Variants in TRPM3 observed in about 807,000 individuals in gnomAD.
TRPM3 encodes long transient receptor potential channel 3.
A neutral mutation model predicts 181.2 loss-of-function variants in TRPM3; 77 were observed. The observed-to-expected ratio is 0.42, with a 90% CI of 0.35 to 0.51. TRPM3 has a LOEUF of 0.51. Ranked by LOEUF, TRPM3 falls within the 20% of genes least tolerant of loss-of-function variation. The pLI, the probability that TRPM3 is intolerant of heterozygous loss-of-function variation, is 0.01. For missense variants in TRPM3, 1,759 were observed against 2,196.7 expected, an observed-to-expected ratio of 0.80 and a Z score of 3.98; for synonymous variants, 745 against 796.4, an observed-to-expected ratio of 0.94 and a Z score of 1.09.
At chr9:71,368,941 G>A (rs777936805) in intron 1 of TRPM3, among the ~76,000 whole-genome samples, 9 of 152,100 alleles carry the variant, frequency 5.9e-5, no homozygotes, top group Non-Finnish European at 1.0e-4. Flanking sequence ...GATCAAAGAA[G>A]AAATCACAAT....
intron 1 of TRPM3, among the ~76,000 whole-genome samples, chr9:70,967,431 C>G (rs1198733247): frequency 6.6e-6 from 1 of 151,734 alleles, no homozygotes; most frequent in Non-Finnish European, 1.5e-5. Context: ...GCAGAAAAAG[C>G]CCATGCATAC....
At chr9:71,399,480 A>G (rs988013167) in intron 1 of TRPM3, among the ~76,000 whole-genome samples, 1 of 151,782 alleles carries the variant, frequency 6.6e-6, no homozygotes, top group Non-Finnish European at 1.5e-5. Context: ...ATCTTTGGAT[A>G]ATTTAAAGAT....
chr9:71,133,894 C>G, intron 1 of TRPM3, among the ~76,000 whole-genome samples: 1 of 152,052 alleles, frequency 6.6e-6, no homozygotes, highest in Non-Finnish European at 1.5e-5. Flanking sequence ...GGTTAGTAAG[C>G]TGCTTTGAAA....
chr9:71,329,337 C>T (rs1819203970), intron 1 of TRPM3, among the ~76,000 whole-genome samples: 1 of 152,116 alleles, frequency 6.6e-6, no homozygotes, highest in African/African-American at 2.4e-5. Flanking sequence ...AAAATGATTC[C>T]AAGCATATAT....
intron 1 of TRPM3, among the ~76,000 whole-genome samples, chr9:71,426,647 G>T (rs2093868888): frequency 6.6e-6 from 1 of 152,096 alleles, no homozygotes; most frequent in Admixed American, 6.6e-5. Context: ...ATGGGGACTT[G>T]CATATTTATT....
At chr9:70,557,787 G>A (rs184432435) in intron 22 of TRPM3, among the ~76,000 whole-genome samples, 43 of 152,274 alleles carry the variant, frequency 2.8e-4, no homozygotes, top group African/African-American at 9.9e-4. Context: ...CCTTTTGCAA[G>A]AGGCAAATGC....
At chr9:70,979,764 T>G (rs28697055) in intron 1 of TRPM3, among the ~76,000 whole-genome samples, 23,002 of 152,124 alleles carry the variant, frequency 0.15, 1,886 homozygotes, top group African/African-American at 0.18. Flanking sequence ...CTCACAGTTC[T>G]GGAGGCTGAA....
chr9:71,270,961 T>A (rs942153911), intron 1 of TRPM3, among the ~76,000 whole-genome samples: 2 of 152,182 alleles, frequency 1.3e-5, no homozygotes, highest in Non-Finnish European at 2.9e-5. Context: ...AAGCAGATTC[T>A]CCAGCCCAGT....
intron 1 of TRPM3, among the ~76,000 whole-genome samples, chr9:71,195,157 C>T (rs527332751): frequency 4.0e-5 from 6 of 151,840 alleles, no homozygotes; most frequent in Non-Finnish European, 5.9e-5. Flanking sequence ...ACCTAATAAA[C>T]GGGATCTAAT....
chr9:71,288,942 A>C (rs1474769439), intron 1 of TRPM3, among the ~76,000 whole-genome samples: 2 of 152,128 alleles, frequency 1.3e-5, no homozygotes, highest in African/African-American at 4.8e-5. Context: ...GGGAAAAAAA[A>C]TTCCCAAGAC....
chr9:70,881,509 G>A (rs572906328), intron 1 of TRPM3, among the ~76,000 whole-genome samples: 22 of 152,250 alleles, frequency 1.4e-4, no homozygotes, highest in Admixed American at 1.0e-3. Flanking sequence ...ATGACTTAAC[G>A]CATTGTTTCA....
At chr9:71,181,736 T>A (rs2077416024) in intron 1 of TRPM3, among the ~76,000 whole-genome samples, 1 of 152,152 alleles carries the variant, frequency 6.6e-6, no homozygotes, top group African/African-American at 2.4e-5. Context: ...TTTTCTTTTC[T>A]CGTTATCTGC....
chr9:71,246,697 G>A (rs1005110622), intron 1 of TRPM3, among the ~76,000 whole-genome samples: 10 of 152,146 alleles, frequency 6.6e-5, no homozygotes, highest in African/African-American at 2.4e-4. Context: ...ATAATAACAG[G>A]ATTTACTTTG....
intron 1 of TRPM3, among the ~76,000 whole-genome samples, chr9:70,898,521 G>A (rs2096323954): frequency 6.6e-6 from 1 of 150,460 alleles, no homozygotes; most frequent in East Asian, 2.0e-4. Flanking sequence ...AGGCCAAGGC[G>A]GGCGGATCAC....
At position 71,003,915 on chromosome 9, in the gene TRPM3, A is replaced by T. The variant is rs563014987; in HGVS notation, c.177+117263T>A. Among the ~76,000 whole-genome samples the T allele has an allele frequency of 6.6e-5, 10 of 152,212 alleles. No individual in the cohort carries two copies. The South Asian group carries it at 2.1e-3, about 32-fold the overall frequency. Reference sequence around the variant, plus strand: ...GAGTGGTCATTTTAGACTGTGCCACACCCTCCTCCAAGATAGAATAACATC... The same window carrying T: ...GAGTGGTCATTTTAGACTGTGCCACTCCCTCCTCCAAGATAGAATAACATC... On this transcript the variant is annotated intron_variant, in intron 1 of 25. Transcript: ENST00000677713.
intron 1 of TRPM3, among the ~76,000 whole-genome samples, chr9:71,426,298 T>TA (rs397688598): frequency 1.3e-5 from 2 of 151,218 alleles, no homozygotes; most frequent in African/African-American, 2.4e-5. Context: ...TTTTTTTTTT[T>TA]AATTTAGGGT....
chr9:70,582,166 C>T (rs1007844194), intron 22 of TRPM3, among the ~76,000 whole-genome samples: 5 of 128,036 alleles, frequency 3.9e-5, no homozygotes, highest in Middle Eastern at 3.8e-3. Flanking sequence ...CACTCCTCCC[C>T]GCCTCCACCC....
intron 25 of TRPM3, 91 bp from the exon 26 acceptor site, chr9:70,537,496 G>A: frequency 8.3e-7 from 1 of 1,207,134 alleles, no homozygotes; most frequent in Non-Finnish European, 1.1e-6. Flanking sequence ...AGCTGTGCCT[G>A]ACCTTGGTAC....
intron 1 of TRPM3, among the ~76,000 whole-genome samples, chr9:71,271,980 C>T (rs915339990): frequency 1.3e-5 from 2 of 152,174 alleles, no homozygotes; most frequent in South Asian, 2.1e-4. Context: ...ACCACTTATC[C>T]GATCCTTGTT....
Sources: allele counts gnomAD v4.1 joint callset (sites outside exome capture counted in the v4.1 genomes callset), GRCh38; gene constraint gnomAD v4.1.1; transcripts MANE v1.5; gene names NCBI Gene and HGNC (gene_info 2026-07-23, HGNC 2026-07-21).